Variants in ATRNL1 observed in about 807,000 individuals in gnomAD.
The protein encoded by ATRNL1 is attractin-like protein 1.
A neutral mutation model predicts 182.7 loss-of-function variants in ATRNL1; 95 were observed. The observed-to-expected ratio is 0.52, with a 90% CI of 0.44 to 0.62. The LOEUF is 0.62. ATRNL1 is among the 20% of genes least tolerant of loss of function. The pLI, the probability that ATRNL1 is intolerant of heterozygous loss-of-function variation, is 0.00. For missense variants in ATRNL1, 1,471 were observed against 1,679.5 expected (o/e 0.88, Z 2.17); for synonymous variants, 576 against 568.3 (o/e 1.01, Z -0.19).
Position 115,569,638 on chromosome 10 carries a change from T to G in ATRNL1, c.3795+20102T>G, listed in dbSNP as rs535861135. Among the ~76,000 whole-genome samples, 3 of 152,334 alleles carry G rather than the reference T, an allele frequency of 2.0e-5. No individual in the cohort carries two copies. The South Asian group carries it at 6.2e-4, about 32-fold the overall frequency. On this transcript the variant is annotated intron_variant, in intron 26 of 28. Coordinates refer to ENST00000355044, the MANE Select transcript of ATRNL1 (RefSeq NM_207303.4). Reference sequence around the variant, plus strand: ...TTTTTCTGCAAACTATTCATGTCCTTTACTCATTTTTCAATTAGATTGTTA... The same window carrying G: ...TTTTTCTGCAAACTATTCATGTCCTGTACTCATTTTTCAATTAGATTGTTA...
At chr10:115,511,124 T>C (rs1254732005) in intron 24 of ATRNL1, among the ~76,000 whole-genome samples, 3 of 149,728 alleles carry the variant, frequency 2.0e-5, no homozygotes, top group African/African-American at 4.8e-5. Context: ...ATATGTTTTA[T>C]TTTGTCTTTT....
intron 1 of ATRNL1, among the ~76,000 whole-genome samples, chr10:115,097,611 T>G (rs776319546): frequency 6.6e-6 from 1 of 152,118 alleles, no homozygotes. Context: ...GTGTGTAAAC[T>G]CTTCCCCTAA....
intron 26 of ATRNL1, among the ~76,000 whole-genome samples, chr10:115,649,012 C>T (rs1206949324): frequency 6.6e-6 from 1 of 152,036 alleles, no homozygotes; most frequent in East Asian, 1.9e-4. Flanking sequence ...TTTCTCTGAG[C>T]CTGTCTTTCT....
intron 19 of ATRNL1, among the ~76,000 whole-genome samples, chr10:115,389,519 A>C (rs1843860351): frequency 8.3e-6 from 1 of 120,992 alleles, no homozygotes; most frequent in South Asian, 2.7e-4. Flanking sequence ...AAAAAGCTGA[A>C]TAGTATTCAA....
At chr10:115,140,647 C>G (rs1845720247) in intron 5 of ATRNL1, among the ~76,000 whole-genome samples, 1 of 152,164 alleles carries the variant, frequency 6.6e-6, no homozygotes, top group Admixed American at 6.5e-5. Context: ...ATGTCCTGCT[C>G]AATCCTATTG....
chr10:115,187,890 C>T (rs1554889088), intron 8 of ATRNL1, among the ~76,000 whole-genome samples: 1 of 151,648 alleles, frequency 6.6e-6, no homozygotes, highest in Non-Finnish European at 1.5e-5. Flanking sequence ...CCATGTTAAC[C>T]AGGATGGTCT....
intron 27 of ATRNL1, among the ~76,000 whole-genome samples, chr10:115,772,819 A>T (rs1949028881): frequency 6.6e-6 from 1 of 152,150 alleles, no homozygotes; most frequent in African/African-American, 2.4e-5. Flanking sequence ...GCTTTGACTG[A>T]CATTTTTGCA....
chr10:115,586,582 C>T (rs1243509778), intron 26 of ATRNL1, among the ~76,000 whole-genome samples: 1 of 105,090 alleles, frequency 9.5e-6, no homozygotes, highest in Non-Finnish European at 2.1e-5. Flanking sequence ...ACGTAGTTCT[C>T]GAGCCTTGGT....
intron 27 of ATRNL1, among the ~76,000 whole-genome samples, chr10:115,790,647 A>C (rs1555081568): frequency 2.6e-5 from 4 of 152,072 alleles, no homozygotes; most frequent in African/African-American, 9.7e-5. Context: ...AAAAAAAAAA[A>C]AAACTTTTAA....
At chr10:115,606,466 AT>A (rs1360115178) in intron 26 of ATRNL1, among the ~76,000 whole-genome samples, 7 of 152,058 alleles carry the variant, frequency 4.6e-5, no homozygotes, top group African/African-American at 1.7e-4. Context: ...TTAAGAGCAA[AT>A]GTTTAAGTAA....
At chr10:115,200,226 GT>G (rs1172746272) in intron 8 of ATRNL1, among the ~76,000 whole-genome samples, 163 of 143,374 alleles carry the variant, frequency 1.1e-3, no homozygotes, top group South Asian at 3.3e-3. Flanking sequence ...TACTTGTTTA[GT>G]TTTTTTTTTT....
intron 25 of ATRNL1, among the ~76,000 whole-genome samples, chr10:115,545,687 T>C (rs1211555848): frequency 6.6e-6 from 1 of 152,192 alleles, no homozygotes; most frequent in African/African-American, 2.4e-5. Flanking sequence ...AAGAGGAATG[T>C]TGTGAATTAT....
At chr10:115,712,635 G>A (rs1266296346) in intron 26 of ATRNL1, among the ~76,000 whole-genome samples, 5 of 152,092 alleles carry the variant, frequency 3.3e-5, no homozygotes, top group African/African-American at 1.2e-4. Context: ...GGGAGGCCAA[G>A]GCAGGTGGAT....
At chr10:115,722,504 C>T (rs1947461347) in intron 26 of ATRNL1, among the ~76,000 whole-genome samples, 1 of 152,118 alleles carries the variant, frequency 6.6e-6, no homozygotes, top group African/African-American at 2.4e-5. Flanking sequence ...CTTCTTTACA[C>T]CATCCTAACA....
intron 24 of ATRNL1, among the ~76,000 whole-genome samples, chr10:115,491,690 G>A (rs1157477247): frequency 6.6e-6 from 1 of 152,128 alleles, no homozygotes; most frequent in South Asian, 2.1e-4. Context: ...GGGTCTGTCC[G>A]GGTAGGACCA....
chr10:115,762,175 T>C (rs1948749166), intron 27 of ATRNL1, among the ~76,000 whole-genome samples: 1 of 152,162 alleles, frequency 6.6e-6, no homozygotes, highest in South Asian at 2.1e-4. Flanking sequence ...GAAGGCTCTT[T>C]GCTGCTTGGA....
chr10:115,769,091 A>G (rs1948925745), intron 27 of ATRNL1, among the ~76,000 whole-genome samples: 1 of 152,182 alleles, frequency 6.6e-6, no homozygotes, highest in South Asian at 2.1e-4. Context: ...ATTGCCAATC[A>G]TAAGACAGGA....
chr10:115,738,154 T>TTTTTTTCTTTTTTTC (rs71010046), intron 27 of ATRNL1, among the ~76,000 whole-genome samples: 1 of 63,870 alleles, frequency 1.6e-5, no homozygotes, highest in South Asian at 6.7e-4. Flanking sequence ...TTTTTTTTTT[T>TTTTTTTCTTTTTTTC]TTGAGATGGA....
intron 27 of ATRNL1, among the ~76,000 whole-genome samples, chr10:115,801,620 A>G (rs574545560): frequency 4.6e-5 from 7 of 152,114 alleles, no homozygotes; most frequent in East Asian, 1.9e-4. Flanking sequence ...GTTGCAAACC[A>G]AAATGATCTA....
Sources: allele counts gnomAD v4.1 joint callset (sites outside exome capture counted in the v4.1 genomes callset), GRCh38; gene constraint gnomAD v4.1.1; transcripts MANE v1.5; gene names NCBI Gene and HGNC (gene_info 2026-07-23, HGNC 2026-07-21).